TTC28: variants seen among roughly 807,000 people sequenced by gnomAD.
TTC28 encodes tetratricopeptide repeat protein 28.
A neutral mutation model predicts 198.0 loss-of-function variants in TTC28; 61 were observed. The ratio of observed to expected loss-of-function variants is 0.31; its 90% CI spans 0.25 to 0.38. TTC28 has a LOEUF of 0.38. Ranked by LOEUF, TTC28 falls within the 10% of genes least tolerant of loss-of-function variation. The probability of loss-of-function intolerance (pLI) is 1.00; values close to 1 mark genes in which losing one functional copy is unlikely to be tolerated. For synonymous variants in TTC28, 1,171 were observed against 1,297.8 expected, an observed-to-expected ratio of 0.90 and a Z score of 2.10; for missense variants, 2,678 against 3,164.0, an observed-to-expected ratio of 0.85 and a Z score of 3.69.
At chr22:28,597,672 T>C (rs1281634845) in intron 2 of TTC28, among the ~76,000 whole-genome samples, 17 of 152,206 alleles carry the variant, frequency 1.1e-4, no homozygotes, top group Admixed American at 1.1e-3. Context: ...ACTAGCAGTA[T>C]GGCAACTAGC....
chr22:28,066,295 TGTGTGTGTG>T, intron 12 of TTC28, among the ~76,000 whole-genome samples: 2 of 151,236 alleles, frequency 1.3e-5, no homozygotes, highest in African/African-American at 4.9e-5. Flanking sequence ...TGTGTGTGTG[TGTGTGTGTG>T]GTGTGTGTGT....
At chr22:28,348,842 C>T (rs1329033960) in intron 2 of TTC28, among the ~76,000 whole-genome samples, 1 of 152,182 alleles carries the variant, frequency 6.6e-6, no homozygotes, top group Non-Finnish European at 1.5e-5. Context: ...CAGTGTTTCT[C>T]TCTAGTATAA....
At chr22:28,405,101 A>C (rs1378866688) in intron 2 of TTC28, among the ~76,000 whole-genome samples, 1 of 152,182 alleles carries the variant, frequency 6.6e-6, no homozygotes, top group Non-Finnish European at 1.5e-5. Flanking sequence ...AGTCTGTAAG[A>C]TCATGTTCAT....
At chr22:28,207,370 A>C (rs1926515042) in intron 5 of TTC28, among the ~76,000 whole-genome samples, 1 of 152,190 alleles carries the variant, frequency 6.6e-6, no homozygotes, top group African/African-American at 2.4e-5. Context: ...CACTGACCCA[A>C]AAACACTATG....
At chr22:28,630,320 TCTGTA>T (rs1316960785) in intron 1 of TTC28, among the ~76,000 whole-genome samples, 1 of 152,146 alleles carries the variant, frequency 6.6e-6, no homozygotes, top group Non-Finnish European at 1.5e-5. Flanking sequence ...GAGGTCTCAC[TCTGTA>T]ACCCAGGCTA....
chr22:28,231,854 AAAT>A (rs1192423692), intron 5 of TTC28, among the ~76,000 whole-genome samples: 1 of 152,236 alleles, frequency 6.6e-6, no homozygotes, highest in African/African-American at 2.4e-5. Context: ...AATATGAAAC[AAAT>A]AATCAATGGT....
At chr22:28,567,113 G>A (rs771826543) in intron 2 of TTC28, among the ~76,000 whole-genome samples, 161 of 151,894 alleles carry the variant, frequency 1.1e-3, no homozygotes, top group Non-Finnish European at 1.8e-3. Flanking sequence ...TACTTGGGAG[G>A]CTGAGGCAAG....
At chr22:28,375,170 G>T (rs764198046) in intron 2 of TTC28, among the ~76,000 whole-genome samples, 1 of 152,142 alleles carries the variant, frequency 6.6e-6, no homozygotes, top group Non-Finnish European at 1.5e-5. Flanking sequence ...ACCCTAGAAA[G>T]TTGGAGTTAG....
At chr22:28,096,163 C>T (rs2294969) in intron 11 of TTC28, 27 bp downstream of exon 11, 282 of 1,516,182 alleles carry the variant, frequency 1.9e-4, no homozygotes, top group Non-Finnish European at 2.4e-4. Context: ...CTTCTAATTG[C>T]CCTGTTCCCA....
intron 21 of TTC28, chr22:27,986,062 T>G (rs1462136746): frequency 6.6e-6 from 1 of 152,492 alleles, no homozygotes. Context: ...TATGTCTCCC[T>G]GGGGAGAAGC....
intron 12 of TTC28, among the ~76,000 whole-genome samples, chr22:28,061,442 C>A (rs1359189878): frequency 6.6e-6 from 1 of 152,162 alleles, no homozygotes; most frequent in Non-Finnish European, 1.5e-5. Flanking sequence ...ATATGGCTAG[C>A]CAGTTTTCCC....
At chr22:28,376,494 T>G (rs1274932289) in intron 2 of TTC28, among the ~76,000 whole-genome samples, 1 of 152,140 alleles carries the variant, frequency 6.6e-6, no homozygotes, top group Non-Finnish European at 1.5e-5. Flanking sequence ...AGGGCAAGAT[T>G]AACATACCTA....
intron 2 of TTC28, among the ~76,000 whole-genome samples, chr22:28,531,394 C>T (rs1046681169): frequency 1.3e-5 from 2 of 152,236 alleles, no homozygotes; most frequent in Non-Finnish European, 2.9e-5. Context: ...TACAGGAGTA[C>T]CCAAATTCAT....
intron 12 of TTC28, among the ~76,000 whole-genome samples, chr22:28,066,621 T>C (rs1169887498): frequency 6.6e-6 from 1 of 152,160 alleles, no homozygotes; most frequent in Non-Finnish European, 1.5e-5. Flanking sequence ...TATTTTCCCC[T>C]TAAAATAACA....
At chr22:28,168,858 A>G (rs1423290945) in intron 5 of TTC28, among the ~76,000 whole-genome samples, 5 of 152,226 alleles carry the variant, frequency 3.3e-5, no homozygotes, top group Admixed American at 6.5e-5. Flanking sequence ...TGCACAGCAA[A>G]AGAAACTACC....
At chr22:28,313,124 A>C (rs1476372830) in intron 2 of TTC28, among the ~76,000 whole-genome samples, 1 of 152,202 alleles carries the variant, frequency 6.6e-6, no homozygotes, top group Non-Finnish European at 1.5e-5. Context: ...GAAATGGATA[A>C]ATTCCTTGAC....
At chr22:28,462,245 A>C (rs2047960140) in intron 2 of TTC28, among the ~76,000 whole-genome samples, 1 of 152,160 alleles carries the variant, frequency 6.6e-6, no homozygotes, top group Non-Finnish European at 1.5e-5. Context: ...TGGCCATGTG[A>C]CTAGCTTTAG....
chr22:27,992,512 T>G, intron 19 of TTC28, 75 bp downstream of exon 19: 1 of 1,471,310 alleles, frequency 6.8e-7, no homozygotes, highest in Non-Finnish European at 9.2e-7. Flanking sequence ...GGTTCCTATT[T>G]AGGGCCAAGT....
chr22:28,318,656 A>G (rs1249977806), intron 2 of TTC28, among the ~76,000 whole-genome samples: 1 of 152,140 alleles, frequency 6.6e-6, no homozygotes, highest in Admixed American at 6.5e-5. Context: ...TTGAAAAGAT[A>G]TAAAACATGT....
Sources: allele counts gnomAD v4.1 joint callset (sites outside exome capture counted in the v4.1 genomes callset), GRCh38; gene constraint gnomAD v4.1.1; transcripts MANE v1.5; gene names NCBI Gene and HGNC (gene_info 2026-07-23, HGNC 2026-07-21).